Variants in SYN3 observed in about 807,000 individuals in gnomAD.
SYN3 encodes synapsin-3.
SYN3 carries 35 observed loss-of-function variants against 65.8 expected under a neutral mutation model. That is an observed-to-expected ratio of 0.53 (90% CI 0.41 to 0.70). The LOEUF (loss-of-function observed/expected upper bound fraction) is 0.70. SYN3 is among the 30% of genes least tolerant of loss of function. SYN3 has a pLI of 0.00. For missense variants in SYN3, 680 were observed against 749.0 expected (o/e 0.91, Z 1.08); for synonymous variants, 270 against 292.9 (o/e 0.92, Z 0.80).
chr22:32,583,169 AC>A (rs1452533784), intron 7 of SYN3: 2 of 152,240 alleles, frequency 1.3e-5, no homozygotes, highest in East Asian at 3.9e-4. Context: ...CCTACCCCCA[AC>A]ACATGGACAG....
chr22:32,725,381 C>G (rs1053791786), intron 6 of SYN3, among the ~76,000 whole-genome samples: 1 of 152,144 alleles, frequency 6.6e-6, no homozygotes, highest in Non-Finnish European at 1.5e-5. Context: ...TTGGCACAAA[C>G]TTTTGCTTTC....
At chr22:32,799,390 T>C (rs2046507305) in intron 6 of SYN3, among the ~76,000 whole-genome samples, 1 of 152,240 alleles carries the variant, frequency 6.6e-6, no homozygotes, top group African/African-American at 2.4e-5. Flanking sequence ...GATCAGATTA[T>C]ACTTGTGCTT....
chr22:32,642,653 C>T (rs546664398), intron 6 of SYN3, among the ~76,000 whole-genome samples: 5 of 152,022 alleles, frequency 3.3e-5, no homozygotes, highest in Admixed American at 1.3e-4. Context: ...TGGTCTCGAT[C>T]TCCTGACCTC....
rs1033715150 is a variant in SYN3 at position 32,965,945 on chromosome 22, T to C, written c.369+14700A>G. Among the ~76,000 whole-genome samples, 88 of 152,166 alleles carry C rather than the reference T, an allele frequency of 5.8e-4. 2 individuals are homozygous for C. The highest frequency in any genetic ancestry group is 4.4e-3 in the Admixed American group (68 of 15,286). On this transcript the variant is annotated intron_variant, in intron 3 of 13. Transcript: ENST00000358763. ...TCCTGACCTTGTGATCTGCCCGCCTTGGCCTCCCAAAGTGCTGGGATTACA... is the reference window on the plus strand; with the variant it reads ...TCCTGACCTTGTGATCTGCCCGCCTCGGCCTCCCAAAGTGCTGGGATTACA...
At chr22:32,807,667 A>G (rs952420152) in intron 6 of SYN3, among the ~76,000 whole-genome samples, 2 of 150,892 alleles carry the variant, frequency 1.3e-5, no homozygotes, top group Non-Finnish European at 2.9e-5. Context: ...AGCAAGGAAT[A>G]CAGCCTGTAT....
At chr22:32,876,340 A>G (rs1302409989) in intron 4 of SYN3, among the ~76,000 whole-genome samples, 1 of 152,158 alleles carries the variant, frequency 6.6e-6, no homozygotes, top group East Asian at 1.9e-4. Flanking sequence ...AGGATTCAAC[A>G]TAAATTTTGG....
intron 4 of SYN3, among the ~76,000 whole-genome samples, chr22:32,875,629 G>A (rs776864866): frequency 2.6e-5 from 4 of 152,172 alleles, no homozygotes; most frequent in African/African-American, 7.2e-5. Context: ...ATGTCTTTAG[G>A]AGAAGAGGGA....
rs1295998171 is a variant in SYN3, at chr22:32,511,703, T to C, written c.*1989A>G. Among the ~76,000 whole-genome samples, 1 of 152,212 alleles carries C rather than the reference T, an allele frequency of 6.6e-6. No homozygotes were observed. The highest frequency in any genetic ancestry group is 1.5e-5 in the Non-Finnish European group (1 of 68,044). On this transcript the variant is annotated 3_prime_UTR_variant, in exon 14 of 14. Coordinates refer to ENST00000358763, the MANE Select transcript of SYN3 (RefSeq NM_003490.4). ...TTTATTTGCTGCTGATCCTAGCCAG[T>C]GTTAATCAGGCCTGAGCCTACCAGT...
At chr22:32,598,963 C>T (rs1405558261) in intron 6 of SYN3, among the ~76,000 whole-genome samples, 2 of 152,158 alleles carry the variant, frequency 1.3e-5, no homozygotes, top group South Asian at 2.1e-4. Flanking sequence ...TCATCAGTTA[C>T]CTTATTGATT....
chr22:33,042,963 T>C (rs1481422643), intron 1 of SYN3, among the ~76,000 whole-genome samples: 2 of 152,202 alleles, frequency 1.3e-5, no homozygotes, highest in Non-Finnish European at 2.9e-5. Context: ...TCACACTTCC[T>C]ACTGCTCTTT....
chr22:32,811,399 G>C (rs2145989206), intron 6 of SYN3, among the ~76,000 whole-genome samples: 2 of 152,328 alleles, frequency 1.3e-5, no homozygotes, highest in African/African-American at 4.8e-5. Context: ...TGTTGTTATA[G>C]AGCAGAGCTG....
At chr22:32,965,838 G>A (rs958694767) in intron 3 of SYN3, among the ~76,000 whole-genome samples, 3 of 152,090 alleles carry the variant, frequency 2.0e-5, no homozygotes, top group Non-Finnish European at 2.9e-5. Context: ...GGGACTACAG[G>A]CGCCCGCCAC....
chr22:32,963,137 T>C (rs1342190044), intron 3 of SYN3, among the ~76,000 whole-genome samples: 2 of 151,156 alleles, frequency 1.3e-5, no homozygotes, highest in East Asian at 3.9e-4. Context: ...ACAGCAGTGA[T>C]GCAATCTCGG....
chr22:32,808,910 T>C (rs1487778604), intron 6 of SYN3, among the ~76,000 whole-genome samples: 1 of 152,202 alleles, frequency 6.6e-6, no homozygotes, highest in Admixed American at 6.5e-5. Flanking sequence ...GGGATAAACC[T>C]AACCCACTTT....
chr22:32,557,768 A>G (rs2058524688), intron 7 of SYN3, among the ~76,000 whole-genome samples: 1 of 151,982 alleles, frequency 6.6e-6, no homozygotes, highest in Non-Finnish European at 1.5e-5. Context: ...TGCCCGTGAC[A>G]CTCCAACTTA....
chr22:32,569,277 A>G (rs5998543), intron 7 of SYN3, among the ~76,000 whole-genome samples: 3,535 of 98,514 alleles, frequency 0.036, 123 homozygotes, highest in African/African-American at 0.096. Flanking sequence ...CTATCTATCT[A>G]TCTATCTATC....
At chr22:32,949,017 T>C (rs1349327546) in intron 3 of SYN3, among the ~76,000 whole-genome samples, 1 of 152,128 alleles carries the variant, frequency 6.6e-6, no homozygotes, top group Admixed American at 6.5e-5. Flanking sequence ...TTTTGAAATA[T>C]TTGCAGTATA....
intron 7 of SYN3, among the ~76,000 whole-genome samples, chr22:32,567,721 T>A (rs5754152): frequency 6.6e-6 from 1 of 152,060 alleles, no homozygotes; most frequent in South Asian, 2.1e-4. Context: ...CCAGATGGGG[T>A]TGACGAGCCT....
intron 1 of SYN3, chr22:33,015,326 C>A: frequency 3.0e-6 from 2 of 662,298 alleles, no homozygotes; most frequent in South Asian, 1.7e-5. Flanking sequence ...AAAACAAAGA[C>A]GTGAAGAATC....
Sources: allele counts gnomAD v4.1 joint callset (sites outside exome capture counted in the v4.1 genomes callset), GRCh38; gene constraint gnomAD v4.1.1; transcripts MANE v1.5; gene names NCBI Gene and HGNC (gene_info 2026-07-23, HGNC 2026-07-21).